The following PPP2R2A variants were observed in gnomAD, a reference collection of about 807,000 sequenced individuals.
PPP2R2A encodes the protein protein phosphatase 2 regulatory subunit Balpha, also known as serine/threonine-protein phosphatase 2A 55 kDa regulatory subunit B alpha isoform.
PPP2R2A carries 9 observed loss-of-function variants against 53.2 expected under a neutral mutation model. The observed-to-expected ratio is 0.17, with a 90% confidence interval of 0.10 to 0.30. The LOEUF is 0.30. Ranked by LOEUF, PPP2R2A falls within the 10% of genes least tolerant of loss-of-function variation. The probability of loss-of-function intolerance (pLI) is 1.00; values close to 1 mark genes in which losing one functional copy is unlikely to be tolerated. For missense variants in PPP2R2A, 235 were observed against 534.6 expected, an observed-to-expected ratio of 0.44 and a Z score of 5.53; for synonymous variants, 169 against 174.2, an observed-to-expected ratio of 0.97 and a Z score of 0.23.
intron 2 of PPP2R2A, among the ~76,000 whole-genome samples, chr8:26,314,303 A>G (rs1444341788): frequency 6.6e-6 from 1 of 152,142 alleles, no homozygotes; most frequent in Non-Finnish European, 1.5e-5. Context: ...CTTAAGCTCT[A>G]TCCCTCCAAC....
rs1313834279 is a variant in PPP2R2A at position 26,360,453 on chromosome 8, T to C, written c.459+172T>C. ...ATTTAAACATAGAAACTGACCTACA[T>C]AGAGGTCTCACTTTGGCCAGGGACA... On this transcript the variant is annotated intron_variant, in intron 5 of 9. Transcript: ENST00000380737. This position sits in a 1 kb window ranked among gnomAD's most constrained non-coding sequence, Gnocchi z 4.5. 6 of 419,112 alleles carry C rather than the reference T, an allele frequency of 1.4e-5. No individual in the cohort carries two copies. The East Asian group carries it at 2.2e-4, about 15-fold the overall frequency. The allele number at this position is 419,112 out of a possible 1,614,324, so 26.0% of individuals were successfully genotyped here.
At chr8:26,303,284 A>G (rs1801870993) in intron 2 of PPP2R2A, among the ~76,000 whole-genome samples, 1 of 152,196 alleles carries the variant, frequency 6.6e-6, no homozygotes, top group South Asian at 2.1e-4. Context: ...TACCAGTAAC[A>G]TATTTGCCAG....
At chr8:26,350,626 G>C (rs1352483269) in intron 3 of PPP2R2A, 1 of 151,644 alleles carries the variant, frequency 6.6e-6, no homozygotes, top group Admixed American at 6.6e-5. Context: ...TGCTGATCTT[G>C]AACTCCTGAC....
chr8:26,341,220 T>C (rs948032905), intron 3 of PPP2R2A, among the ~76,000 whole-genome samples: 5 of 152,192 alleles, frequency 3.3e-5, no homozygotes, highest in Non-Finnish European at 4.4e-5. Flanking sequence ...TGAAACTTGA[T>C]CTTGACTATT....
chr8:26,347,061 A>G lies in PPP2R2A; in HGVS notation c.181-7407A>G, dbSNP rs111986553. On this transcript the variant is annotated intron_variant, in intron 3 of 9. Coordinates refer to ENST00000380737, the MANE Select transcript of PPP2R2A (RefSeq NM_002717.4). ...GCTTTTGCATTAAATTCCCAAAGTT[A>G]TCCTGTCCTGAGAGAATAAATTGTA... is the stretch of plus-strand genomic sequence containing the variant. Among the ~76,000 whole-genome samples, 307 of 152,350 alleles carry G rather than the reference A, an allele frequency of 2.0e-3. 2 individuals carry two copies. The highest frequency in any genetic ancestry group is 7.2e-3 in the African/African-American group (301 of 41,584).
chr8:26,333,040 A>G (rs1436563983), intron 2 of PPP2R2A, among the ~76,000 whole-genome samples: 1 of 152,252 alleles, frequency 6.6e-6, no homozygotes, highest in Non-Finnish European at 1.5e-5. Context: ...ATAAAGATTA[A>G]GAGAGAATAA....
At chr8:26,307,570 A>T (rs1264962121) in intron 2 of PPP2R2A, among the ~76,000 whole-genome samples, 1 of 152,250 alleles carries the variant, frequency 6.6e-6, no homozygotes, top group African/African-American at 2.4e-5. Flanking sequence ...CCAAAATGTC[A>T]TAATTTGTAT....
chr8:26,324,386 T>C (rs1802984503), intron 2 of PPP2R2A, among the ~76,000 whole-genome samples: 1 of 152,240 alleles, frequency 6.6e-6, no homozygotes. Context: ...GCAGGGATTT[T>C]TGTTTGTCTT....
intron 2 of PPP2R2A, among the ~76,000 whole-genome samples, chr8:26,294,558 T>G (rs565400253): frequency 6.6e-6 from 1 of 152,336 alleles, no homozygotes; most frequent in Admixed American, 6.5e-5. Flanking sequence ...AATGGTATTG[T>G]GTGTCTTGAA....
chr8:26,360,766 C>G lies in PPP2R2A; in HGVS notation c.460-208C>G. The G allele has an allele frequency of 2.0e-6, 1 of 489,352 alleles. No homozygotes were observed. Among genetic ancestry groups the G allele is most frequent in the Admixed American group, 4.1e-5 (1 of 24,358 alleles). 30.3% of individuals were successfully genotyped at this position (489,352 alleles called of 1,614,324 possible). On this transcript the variant is annotated intron_variant, in intron 5 of 9. Transcript: ENST00000380737. This position sits in a 1 kb window ranked among gnomAD's most constrained non-coding sequence, Gnocchi z 4.5. ...ACTGCAAATTCTAATAGTATTGCAA[C>G]CAGTAAAAGAAGATATATTATCCAC...
chr8:26,359,596 T>C (rs1173064858), intron 4 of PPP2R2A, among the ~76,000 whole-genome samples: 3 of 152,026 alleles, frequency 2.0e-5, no homozygotes, highest in Non-Finnish European at 4.4e-5. Flanking sequence ...TTTAATCAGT[T>C]TTCTTCAGGC....
At chr8:26,316,731 CTG>C (rs917062581) in intron 2 of PPP2R2A, among the ~76,000 whole-genome samples, 9 of 152,200 alleles carry the variant, frequency 5.9e-5, no homozygotes, top group African/African-American at 2.2e-4. Context: ...TCAGAGACAA[CTG>C]TGTCTTGACA....
chr8:26,361,111 G>T lies in PPP2R2A; in HGVS notation c.597G>T (p.Arg199=). The T allele has an allele frequency of 1.9e-6, 3 of 1,597,870 alleles. No homozygotes were observed. Among genetic ancestry groups the T allele is most frequent in the Non-Finnish European group, 2.6e-6 (3 of 1,176,264 alleles). ...CATATTTATCTGCAGATGATTTGCG[G>T]ATTAATCTTTGGCATCTGGAAATTA... The part of the protein sequence containing the change: ...YETYLSADDL[R]INLWHLEITD... Residue 199 remains arginine, a synonymous_variant, in exon 6 of 10, where the codon CGG becomes CGT. Coordinates refer to ENST00000380737, the MANE Select transcript of PPP2R2A (RefSeq NM_002717.4).
At chr8:26,347,377 G>A (rs529071568) in intron 3 of PPP2R2A, among the ~76,000 whole-genome samples, 2 of 150,538 alleles carry the variant, frequency 1.3e-5, no homozygotes, top group Non-Finnish European at 3.0e-5. Flanking sequence ...CAGTTTTCGT[G>A]TGGGGTGTTT....
intron 2 of PPP2R2A, among the ~76,000 whole-genome samples, chr8:26,311,119 A>G (rs972194168): frequency 1.3e-5 from 2 of 152,108 alleles, no homozygotes; most frequent in African/African-American, 4.8e-5. Flanking sequence ...GCTGTGTTTT[A>G]GTTTTCTTAT....
At chr8:26,317,706 A>T (rs1388300044) in intron 2 of PPP2R2A, among the ~76,000 whole-genome samples, 7 of 152,226 alleles carry the variant, frequency 4.6e-5, no homozygotes, top group Non-Finnish European at 8.8e-5. Context: ...AAGCTAGTAT[A>T]TGTATTATTG....
intron 2 of PPP2R2A, among the ~76,000 whole-genome samples, chr8:26,333,244 T>C (rs1803474699): frequency 6.6e-6 from 1 of 152,238 alleles, no homozygotes; most frequent in African/African-American, 2.4e-5. Flanking sequence ...CTCATGGGCA[T>C]GGCTAAGTTC....
chr8:26,334,554 G>A (rs1486576510), intron 2 of PPP2R2A, among the ~76,000 whole-genome samples: 3 of 152,060 alleles, frequency 2.0e-5, no homozygotes, highest in African/African-American at 4.8e-5. Flanking sequence ...GACCATCCTG[G>A]CTAACACGGT....
intron 3 of PPP2R2A, among the ~76,000 whole-genome samples, chr8:26,341,728 T>TA (rs1194194437): frequency 1.3e-5 from 2 of 152,180 alleles, no homozygotes; most frequent in Non-Finnish European, 2.9e-5. Context: ...ATTGTGGCTT[T>TA]ATTCTCTTAC....
Sources: gnomAD v4.1 joint callset for allele counts (sites outside exome capture counted in the v4.1 genomes callset) on GRCh38, gnomAD v4.1.1 for gene constraint, Gnocchi (gnomAD v3.1) non-coding constraint, MANE v1.5 for transcripts, NCBI Gene and HGNC (gene_info 2026-07-23, HGNC 2026-07-21) for gene names.